ST7: variants seen among roughly 807,000 people sequenced by gnomAD.
ST7 encodes suppression of tumorigenicity 7, also known as suppressor of tumorigenicity 7 protein.
ST7 carries 28 observed loss-of-function variants against 78.7 expected under a neutral mutation model. The ratio of observed to expected loss-of-function variants is 0.36; its 90% CI spans 0.26 to 0.49. The LOEUF (loss-of-function observed/expected upper bound fraction) is 0.49, where lower values mean the gene tolerates loss of function less well. ST7 is among the 20% of genes least tolerant of loss of function. The probability of loss-of-function intolerance (pLI) is 0.99; values close to 1 mark genes in which losing one functional copy is unlikely to be tolerated. For missense variants in ST7, 418 were observed against 696.0 expected (o/e 0.60, Z 4.49); for synonymous variants, 247 against 249.6 (o/e 0.99, Z 0.10).
At chr7:117,090,514 G>A (rs1800531249) in intron 1 of ST7, among the ~76,000 whole-genome samples, 1 of 152,064 alleles carries the variant, frequency 6.6e-6, no homozygotes, top group Non-Finnish European at 1.5e-5. Flanking sequence ...GTAGGGAAGA[G>A]GTTCCCAGAG....
At chr7:117,127,636 T>C (rs1257398791) in intron 3 of ST7, among the ~76,000 whole-genome samples, 1 of 151,994 alleles carries the variant, frequency 6.6e-6, no homozygotes, top group Non-Finnish European at 1.5e-5. Flanking sequence ...TCCTTTTTTC[T>C]AAGTTTTAGG....
At chr7:117,000,539 T>A (rs1456558621) in intron 1 of ST7, among the ~76,000 whole-genome samples, 1 of 152,198 alleles carries the variant, frequency 6.6e-6, no homozygotes, top group Non-Finnish European at 1.5e-5. Flanking sequence ...TGAAGCAGCT[T>A]GTTCGAGAGC....
chr7:117,136,308 T>C (rs752381722), intron 8 of ST7, 73 bp downstream of exon 8: 2 of 1,574,640 alleles, frequency 1.3e-6, no homozygotes, highest in Non-Finnish European at 8.7e-7. Flanking sequence ...AAATTTTTAG[T>C]CCAGTTCAAA....
At chr7:117,134,060 G>T in intron 6 of ST7, 64 bp from the exon 7 acceptor site, 1 of 1,595,558 alleles carries the variant, frequency 6.3e-7, no homozygotes. Context: ...AAATGACATA[G>T]TGACTCTCTC....
intron 1 of ST7, among the ~76,000 whole-genome samples, chr7:117,061,028 G>A (rs1459942261): frequency 6.6e-6 from 1 of 152,014 alleles, no homozygotes; most frequent in Admixed American, 6.6e-5. Flanking sequence ...ATATAATATT[G>A]CCTTTCCCAT....
intron 8 of ST7, 32 bp downstream of exon 8, chr7:117,136,267 G>C (rs775748097): frequency 1.9e-6 from 3 of 1,613,152 alleles, no homozygotes; most frequent in Non-Finnish European, 2.5e-6. Flanking sequence ...TGCATTGGGG[G>C]ATCAGAATTG....
At chr7:117,162,350 T>C (rs925430679) in intron 9 of ST7, among the ~76,000 whole-genome samples, 1 of 151,958 alleles carries the variant, frequency 6.6e-6, no homozygotes, top group African/African-American at 2.4e-5. Flanking sequence ...AAAATAAAAC[T>C]GCTTGATTTT....
intron 2 of ST7, among the ~76,000 whole-genome samples, chr7:117,101,292 C>T (rs561471535): frequency 6.6e-6 from 1 of 152,332 alleles, no homozygotes; most frequent in Non-Finnish European, 1.5e-5. Context: ...TTAATGCCCT[C>T]ACTTTAACAG....
At chr7:116,997,260 G>A (rs565150426) in intron 1 of ST7, among the ~76,000 whole-genome samples, 1 of 152,300 alleles carries the variant, frequency 6.6e-6, no homozygotes, top group South Asian at 2.1e-4. Context: ...CCACAGTGTG[G>A]AAGGGGACCC....
chr7:117,162,023 G>C (rs540152772), intron 9 of ST7, among the ~76,000 whole-genome samples: 72 of 152,078 alleles, frequency 4.7e-4, no homozygotes, highest in Middle Eastern at 3.4e-3. Context: ...GTACTTATTC[G>C]CTGAAAACTA....
intron 15 of ST7, among the ~76,000 whole-genome samples, chr7:117,226,686 C>T (rs1793467355): frequency 6.6e-6 from 1 of 152,258 alleles, no homozygotes; most frequent in Non-Finnish European, 1.5e-5. Flanking sequence ...CACTACATTG[C>T]CTGCTCCTTC....
At chr7:117,151,822 A>G (rs943217778) in intron 9 of ST7, among the ~76,000 whole-genome samples, 1 of 152,082 alleles carries the variant, frequency 6.6e-6, no homozygotes, top group Non-Finnish European at 1.5e-5. Flanking sequence ...GACTTGACTA[A>G]GAATTTATGA....
intron 1 of ST7, among the ~76,000 whole-genome samples, chr7:117,067,506 T>C (rs140125648): frequency 1.3e-5 from 2 of 152,140 alleles, no homozygotes; most frequent in Non-Finnish European, 2.9e-5. Flanking sequence ...TAGGTGTGTG[T>C]CAGTGGATTG....
At chr7:117,170,714 T>C in intron 9 of ST7, 148 bp from the exon 10 acceptor site, 1 of 279,132 alleles carries the variant, frequency 3.6e-6, no homozygotes, top group South Asian at 1.5e-4. Flanking sequence ...ACTTATTTCT[T>C]AAAATGCTTA....
intron 10 of ST7, among the ~76,000 whole-genome samples, chr7:117,177,296 C>G (rs1365740473): frequency 6.6e-6 from 1 of 152,226 alleles, no homozygotes; most frequent in Non-Finnish European, 1.5e-5. Flanking sequence ...ATATGCATGA[C>G]AAACTTCTGT....
At chr7:117,014,805 G>A (rs569837876) in intron 1 of ST7, 2 of 377,304 alleles carry the variant, frequency 5.3e-6, no homozygotes, top group African/African-American at 4.2e-5. Flanking sequence ...TTCTAAGGAC[G>A]ACTTTAAAAG....
chr7:117,105,182 A>G (rs1338079310), intron 2 of ST7, among the ~76,000 whole-genome samples: 2 of 152,212 alleles, frequency 1.3e-5, no homozygotes, highest in Admixed American at 1.3e-4. Flanking sequence ...CATGGATGGA[A>G]CTGGAGGTCA....
chr7:117,135,924 C>G (rs1277807773), intron 7 of ST7, among the ~76,000 whole-genome samples, 157 bp from the exon 8 acceptor site: 1 of 152,076 alleles, frequency 6.6e-6, no homozygotes, highest in African/African-American at 2.4e-5. Context: ...TCTTTTGTAC[C>G]ATTATTTTGT....
At chr7:117,146,627 TGTGAA>T (rs1161166241) in intron 9 of ST7, 1 of 152,146 alleles carries the variant, frequency 6.6e-6, no homozygotes, top group Admixed American at 6.6e-5. Context: ...GAGAAGGTGG[TGTGAA>T]GTGATCAGAT....
Sources: gnomAD v4.1 joint callset for allele counts (sites outside exome capture counted in the v4.1 genomes callset) on GRCh38, gnomAD v4.1.1 for gene constraint, MANE v1.5 for transcripts, NCBI Gene and HGNC (gene_info 2026-07-23, HGNC 2026-07-21) for gene names.